Variants in HFM1 observed in about 807,000 individuals in gnomAD.
The protein encoded by HFM1 is probable ATP-dependent DNA helicase HFM1.
In HFM1, 169 loss-of-function variants were observed where a neutral mutation model predicts 192.1. The ratio of observed to expected loss-of-function variants is 0.88; its 90% CI spans 0.78 to 1.00. The LOEUF (loss-of-function observed/expected upper bound fraction) is 1.00, where lower values mean the gene tolerates loss of function less well. Ranked by LOEUF, HFM1 falls within the 50% of genes least tolerant of loss-of-function variation. The pLI, the probability that HFM1 is intolerant of heterozygous loss-of-function variation, is 0.00. For missense variants in HFM1, 1,661 were observed against 1,668.0 expected (o/e 1.00, Z 0.07); for synonymous variants, 525 against 537.8 (o/e 0.98, Z 0.33).
At position 91,396,371 on chromosome 1, in the gene HFM1, G is replaced by T. The variant is rs751069678; in HGVS notation, c.106C>A (p.Leu36Ile). ...PDNEKSLDWF[L>I]PPAPLISEIP... Reference sequence around the variant, plus strand: ...TCTGAAATCAATGGAGCAGGAGGGAGAAACCAATCCAATGACTTTTCATTG... The same window carrying T: ...TCTGAAATCAATGGAGCAGGAGGGATAAACCAATCCAATGACTTTTCATTG... Residue 36 changes from leucine to isoleucine, a missense_variant, in exon 3 of 39, where the codon CTC (leucine) becomes ATC (isoleucine). Leu to Ile is a conservative substitution (Grantham distance 5). Coordinates refer to ENST00000370425, the MANE Select transcript of HFM1 (RefSeq NM_001017975.6). 3 of 1,601,418 alleles carry T rather than the reference G, an allele frequency of 1.9e-6. No homozygotes were observed. The highest frequency in any genetic ancestry group is 2.7e-5 in the African/African-American group (2 of 74,680).
rs757717205 is a variant in HFM1, at chr1:91,343,461, C to T, written c.2304G>A (p.Lys768=). 3 of 1,445,506 alleles carry T rather than the reference C, an allele frequency of 2.1e-6. No homozygotes were observed. Among genetic ancestry groups the T allele is most frequent in the East Asian group, 4.8e-5 (2 of 41,540 alleles). The allele number at this position is 1,445,506 out of a possible 1,614,324, so 89.5% of individuals were successfully genotyped here. ...LNDLSSLDLI[K]MDEGVNFKPT... ...GTTTGAAATTAACACCTTCATCCAT[C>T]TTTATTAAGTCCAGGGATGATAAAT... The change falls in exon 20 of 39, where the codon AAG becomes AAA. Residue 768 remains lysine (K), a synonymous_variant. Transcript: ENST00000370425.
rs1294698386 is a variant in HFM1, at chr1:91,262,559, A to T, written c.4008T>A (p.Ser1336=). 2 of 1,605,082 alleles carry T rather than the reference A, an allele frequency of 1.2e-6. No homozygotes were observed. The highest frequency in any genetic ancestry group is 2.7e-5 in the African/African-American group (2 of 74,792). The change falls in exon 37 of 39, where the codon TCT becomes TCA. Residue 1336 remains serine, a synonymous_variant. Transcript: ENST00000370425. The part of the protein sequence containing the change: ...FVSSHEMSDI[S]LSNSAMPKFS... The stretch of plus-strand genomic sequence containing the variant: ...ACTTGGGCATAGCAGAATTTGATAA[A>T]GAAATATCCGACATCTCATGTGATG...
Position 91,296,299 on chromosome 1 carries a change from G to A in HFM1, c.3391+17050C>T, listed in dbSNP as rs11580649. 9.3e-3 allele frequency among the ~76,000 whole-genome samples: 1,418 copies of A among 152,186 alleles called. 14 individuals carry two copies. The highest frequency in any genetic ancestry group is 0.013 in the Non-Finnish European group (873 of 68,006). On this transcript the variant is annotated intron_variant, in intron 30 of 38. Coordinates refer to ENST00000370425, the MANE Select transcript of HFM1 (RefSeq NM_001017975.6). The stretch of plus-strand genomic sequence containing the variant: ...AGACTGTCCGTTTTCCAACTGCATG[G>A]CACTTCACCTTTGTCAGAAATCAAT...
At chr1:91,274,869 T>C (rs1296746296) in intron 32 of HFM1, 60 bp from the exon 33 acceptor site, 1 of 788,852 alleles carries the variant, frequency 1.3e-6, no homozygotes, top group Non-Finnish European at 2.1e-6. Flanking sequence ...TTGTAACACA[T>C]GAGCCAAACA....
chr1:91,267,832 AT>A lies in HFM1; in HGVS notation c.3795del (p.Glu1265AspfsTer15). 6.3e-7 allele frequency: 1 copy of A among 1,580,366 alleles called. No individual in the cohort carries two copies. The highest frequency in any genetic ancestry group is 8.6e-7 in the Non-Finnish European group (1 of 1,166,696). On this transcript the variant is annotated frameshift_variant, in exon 35 of 39. Coordinates refer to ENST00000370425, the MANE Select transcript of HFM1 (RefSeq NM_001017975.6). LOFTEE classifies it high-confidence loss of function. ...AAATCATCCCAAACTTCATTTCCCA[AT>A]TCAAAGTTCACATTCAAAACTTCTG... ...QDKEVLNVNF[E>X]LGNEVWDDFD... is the part of the protein sequence containing the mutation.
At position 91,396,199 on chromosome 1, in the gene HFM1, T is replaced by G. The variant is rs533349852; in HGVS notation, c.184+94A>C. Reference sequence around the variant, plus strand: ...CATATGCATTATTTTGATACATGTATACACAACGTGTAACAATCAAATCAG... The same window carrying G: ...CATATGCATTATTTTGATACATGTAGACACAACGTGTAACAATCAAATCAG... On this transcript the variant is annotated intron_variant, in intron 3 of 38. Coordinates refer to ENST00000370425, the MANE Select transcript of HFM1 (RefSeq NM_001017975.6). 58 of 578,144 alleles carry G rather than the reference T, an allele frequency of 1.0e-4. No homozygotes were observed. The African/African-American group carries it at 1.1e-3, about 11-fold the overall frequency. The allele number at this position is 578,144 out of a possible 1,614,324, so 35.8% of individuals were successfully genotyped here.
At chr1:91,364,021 G>A (rs1282474223) in intron 13 of HFM1, among the ~76,000 whole-genome samples, 1 of 151,980 alleles carries the variant, frequency 6.6e-6, no homozygotes, top group Non-Finnish European at 1.5e-5. Context: ...AACACATTGG[G>A]ACCTGTTGGG....
rs927537488 is a variant in HFM1, at chr1:91,315,826, C to A, written c.3129G>T (p.Leu1043=). ...AATTTCACACTTACGTAATCTTGTGCAGATAAACTACTTGATTATCTGCGT... is the reference window on the plus strand; with the variant it reads ...AATTTCACACTTACGTAATCTTGTGAAGATAAACTACTTGATTATCTGCGT... ...IGDADNQVVY[L]HKITDSVLLK... is the part of the protein sequence containing the mutation. Residue 1043 remains leucine (L), a synonymous_variant, in exon 28 of 39, where the codon CTG becomes CTT. Transcript: ENST00000370425. 5.0e-6 allele frequency: 8 copies of A among 1,606,676 alleles called. No homozygotes were observed. The Admixed American group carries it at 1.4e-4, about 27-fold the overall frequency.
At chr1:91,360,595 T>C (rs1035187239) in intron 13 of HFM1, among the ~76,000 whole-genome samples, 8 of 152,094 alleles carry the variant, frequency 5.3e-5, no homozygotes, top group African/African-American at 1.9e-4. Flanking sequence ...ACAATAATAC[T>C]GGAGACTTTA....
At chr1:91,362,746 A>G (rs1658683649) in intron 13 of HFM1, among the ~76,000 whole-genome samples, 1 of 152,216 alleles carries the variant, frequency 6.6e-6, no homozygotes. Flanking sequence ...GCAAAAGAAC[A>G]AAGCTGGAGG....
intron 30 of HFM1, among the ~76,000 whole-genome samples, chr1:91,288,842 C>T (rs2100897715): frequency 6.6e-6 from 1 of 152,336 alleles, no homozygotes; most frequent in East Asian, 1.9e-4. Flanking sequence ...CTTTTCTATT[C>T]AACAAAACCG....
At chr1:91,274,854 A>C in intron 32 of HFM1, 45 bp from the exon 33 acceptor site, 1 of 991,072 alleles carries the variant, frequency 1.0e-6, no homozygotes, top group Non-Finnish European at 1.6e-6. Flanking sequence ...TTTCACATCA[A>C]TAACTTGTAA....
intron 36 of HFM1, among the ~76,000 whole-genome samples, chr1:91,263,464 A>C (rs979511717): frequency 6.6e-6 from 1 of 152,186 alleles, no homozygotes; most frequent in African/African-American, 2.4e-5. Flanking sequence ...AAAGCAGGCC[A>C]GGCACAGTGG....
intron 30 of HFM1, among the ~76,000 whole-genome samples, chr1:91,293,420 T>C (rs1392543700): frequency 6.6e-6 from 1 of 152,132 alleles, no homozygotes; most frequent in South Asian, 2.1e-4. Context: ...AAAGAAGACA[T>C]TTATGCAGCC....
intron 11 of HFM1, chr1:91,377,300 T>A (rs1661019775): frequency 6.6e-6 from 1 of 151,842 alleles, no homozygotes. Context: ...TTGTGCCAAA[T>A]TAACGATAAA....
intron 20 of HFM1, among the ~76,000 whole-genome samples, chr1:91,342,582 T>C (rs1220207892): frequency 6.6e-6 from 1 of 152,210 alleles, no homozygotes; most frequent in East Asian, 1.9e-4. Context: ...ACACCTGGCA[T>C]AAAAACATTC....
At position 91,274,703 on chromosome 1, in the gene HFM1, C is replaced by A. The variant is rs1156463035; in HGVS notation, c.3668+27G>T. 4.5e-6 allele frequency: 5 copies of A among 1,118,976 alleles called. No individual in the cohort carries two copies. In the East Asian group the frequency reaches 1.2e-4, roughly 27 times the overall value. The allele number at this position is 1,118,976 out of a possible 1,614,324, so 69.3% of individuals were successfully genotyped here. On this transcript the variant is annotated intron_variant, in intron 33 of 38. Transcript: ENST00000370425. ...AACAGAGTTTACGATAAATATTTTA[C>A]CTTAGATATTAACATTATATTTGTA...
chr1:91,297,160 G>A (rs767484574), intron 30 of HFM1, among the ~76,000 whole-genome samples: 3 of 152,172 alleles, frequency 2.0e-5, no homozygotes, highest in African/African-American at 7.2e-5. Flanking sequence ...CGCCTGGCTC[G>A]GAGGGTCCTA....
chr1:91,337,549 C>G (rs1175634453), intron 20 of HFM1, among the ~76,000 whole-genome samples: 1 of 151,678 alleles, frequency 6.6e-6, no homozygotes, highest in Non-Finnish European at 1.5e-5. Context: ...AATTACAAAC[C>G]CAGCATGGTG....
Sources: allele counts gnomAD v4.1 joint callset (sites outside exome capture counted in the v4.1 genomes callset), GRCh38; gene constraint gnomAD v4.1.1; transcripts MANE v1.5; gene names NCBI Gene and HGNC (gene_info 2026-07-23, HGNC 2026-07-21).